The following LSAMP variants were observed in gnomAD, a reference collection of about 807,000 sequenced individuals.
LSAMP encodes the protein limbic system associated membrane protein.
Under a neutral mutation model 38.6 loss-of-function variants are expected in LSAMP, and 7 were observed. That is an observed-to-expected ratio of 0.18 (90% CI 0.10 to 0.34). LSAMP has a LOEUF of 0.34. Among genes scored for constraint, LSAMP ranks in the 10% least tolerant of loss-of-function variants. The pLI, the probability that LSAMP is intolerant of heterozygous loss-of-function variation, is 1.00. For missense variants in LSAMP, 313 were observed against 420.0 expected, an observed-to-expected ratio of 0.75 and a Z score of 2.23; for synonymous variants, 154 against 166.8, an observed-to-expected ratio of 0.92 and a Z score of 0.59.
At chr3:116,003,735 C>T (rs1215443615) in intron 3 of LSAMP, among the ~76,000 whole-genome samples, 1 of 152,054 alleles carries the variant, frequency 6.6e-6, no homozygotes, top group East Asian at 1.9e-4. Flanking sequence ...AAGACAAGGC[C>T]ATGTGAAGAC....
chr3:116,178,328 G>A (rs1271418000), intron 1 of LSAMP, among the ~76,000 whole-genome samples: 1 of 151,952 alleles, frequency 6.6e-6, no homozygotes, highest in Non-Finnish European at 1.5e-5. Context: ...CACCATGCTC[G>A]GCTAATTTTT....
At chr3:115,855,874 C>T (rs949548599) in intron 3 of LSAMP, among the ~76,000 whole-genome samples, 1 of 152,164 alleles carries the variant, frequency 6.6e-6, no homozygotes, top group Non-Finnish European at 1.5e-5. Context: ...TGTTGTCATG[C>T]TTCCTTTCCC....
At chr3:116,125,577 T>A (rs1708990245) in intron 1 of LSAMP, among the ~76,000 whole-genome samples, 1 of 152,146 alleles carries the variant, frequency 6.6e-6, no homozygotes, top group Non-Finnish European at 1.5e-5. Context: ...TTGACTGTCC[T>A]GAACTCAACA....
chr3:116,068,252 C>A lies in LSAMP; in HGVS notation c.388+18072G>T, dbSNP rs1707508445. Among the ~76,000 whole-genome samples the A allele has an allele frequency of 2.0e-5, 3 of 152,176 alleles. No individual in the cohort carries two copies. In the South Asian group the frequency reaches 6.2e-4, roughly 32 times the overall value. ...GGATATTAAAGAACAATCCCATTTCCCCCCTCTATAAACCATTCCATCCAG... is the reference window on the plus strand; with the variant it reads ...GGATATTAAAGAACAATCCCATTTCACCCCTCTATAAACCATTCCATCCAG... On this transcript the variant is annotated intron_variant, in intron 2 of 6. Transcript: ENST00000490035.
intron 1 of LSAMP, among the ~76,000 whole-genome samples, chr3:116,226,792 G>A (rs2046346845): frequency 6.6e-6 from 1 of 152,196 alleles, no homozygotes. Flanking sequence ...ATAACAGGAA[G>A]TCTACCTCTT....
chr3:116,190,195 C>A (rs1031816480), intron 1 of LSAMP, among the ~76,000 whole-genome samples: 2 of 151,890 alleles, frequency 1.3e-5, no homozygotes, highest in African/African-American at 2.4e-5. Flanking sequence ...CACCTCCATT[C>A]CAAATTCCTG....
At chr3:115,908,986 A>G (rs977943992) in intron 3 of LSAMP, among the ~76,000 whole-genome samples, 5 of 152,164 alleles carry the variant, frequency 3.3e-5, no homozygotes, top group Non-Finnish European at 5.9e-5. Context: ...ATGTACTTAA[A>G]TTTAGATAAC....
intron 3 of LSAMP, among the ~76,000 whole-genome samples, chr3:115,986,439 A>T (rs1358385753): frequency 3.3e-5 from 5 of 152,176 alleles, no homozygotes; most frequent in Non-Finnish European, 7.3e-5. Context: ...CAAAAAAATA[A>T]TGAGCCCAGA....
chr3:116,023,174 C>CTA lies in LSAMP; in HGVS notation c.389-3535_389-3534insTA, dbSNP rs1940685841. On this transcript the variant is annotated intron_variant, in intron 2 of 6. Transcript: ENST00000490035. ...TATACATATGTGTGTGTGTCTCTCT[C>CTA]TCTCTATATATATATACACACATAT... 2.1e-5 allele frequency among the ~76,000 whole-genome samples: 3 copies of CTA among 144,546 alleles called. No individual in the cohort carries two copies. The South Asian group carries it at 6.6e-4, about 32-fold the overall frequency. 94.8% of individuals were successfully genotyped at this position (144,546 alleles called of 152,430 possible). A position where few individuals can be genotyped will look rare whatever the true frequency, so the allele number is the denominator to read the frequency against.
intron 1 of LSAMP, among the ~76,000 whole-genome samples, chr3:116,119,183 A>G (rs1001827890): frequency 2.0e-5 from 3 of 152,152 alleles, no homozygotes; most frequent in Non-Finnish European, 4.4e-5. Context: ...AGGGAGCCAG[A>G]AAAAGGACTC....
chr3:116,306,577 G>A (rs537807427), intron 1 of LSAMP, among the ~76,000 whole-genome samples: 1 of 152,000 alleles, frequency 6.6e-6, no homozygotes, highest in Admixed American at 6.6e-5. Context: ...GAAAATGTTA[G>A]TTCTTTAACC....
intron 1 of LSAMP, among the ~76,000 whole-genome samples, chr3:116,312,975 T>C (rs1163647962): frequency 6.6e-6 from 1 of 152,168 alleles, no homozygotes; most frequent in East Asian, 1.9e-4. Context: ...ACCTTATTTT[T>C]CAGTGATGGT....
intron 4 of LSAMP, among the ~76,000 whole-genome samples, 149 bp downstream of exon 4, chr3:115,852,316 AGACCAAGTCCTGCCCTTG>A (rs1214462290): frequency 6.6e-6 from 1 of 152,262 alleles, no homozygotes; most frequent in Admixed American, 6.5e-5. Flanking sequence ...CCAAATTCAA[AGACCAAGTCCTGCCCTTG>A]GATGTGTTCA....
chr3:115,885,777 T>C (rs1000807039), intron 3 of LSAMP, among the ~76,000 whole-genome samples: 4 of 151,868 alleles, frequency 2.6e-5, no homozygotes, highest in Admixed American at 6.6e-5. Flanking sequence ...TCAATACTCA[T>C]GCAGGCTAAT....
chr3:116,144,456 G>A (rs1709445158), intron 1 of LSAMP, among the ~76,000 whole-genome samples: 1 of 151,894 alleles, frequency 6.6e-6, no homozygotes, highest in Non-Finnish European at 1.5e-5. Flanking sequence ...CCAGGAGGAT[G>A]AGGCAGCAGT....
chr3:116,281,223 T>C (rs1232011791), intron 1 of LSAMP, among the ~76,000 whole-genome samples: 1 of 152,144 alleles, frequency 6.6e-6, no homozygotes, highest in East Asian at 1.9e-4. Flanking sequence ...ACATTAAAGA[T>C]GTATGGATGC....
intron 1 of LSAMP, among the ~76,000 whole-genome samples, chr3:116,280,230 C>A (rs1027978188): frequency 6.6e-6 from 1 of 152,100 alleles, no homozygotes; most frequent in African/African-American, 2.4e-5. Flanking sequence ...CATTAGTTCC[C>A]ACCATGATAA....
intron 3 of LSAMP, among the ~76,000 whole-genome samples, chr3:115,941,946 TCAC>T (rs1364573605): frequency 1.6e-4 from 24 of 152,144 alleles, no homozygotes; most frequent in Admixed American, 2.0e-4. Context: ...ATACATAAAA[TCAC>T]CACATTGTAT....
chr3:115,957,464 T>C (rs1938489439), intron 3 of LSAMP, among the ~76,000 whole-genome samples: 1 of 152,158 alleles, frequency 6.6e-6, no homozygotes, highest in Non-Finnish European at 1.5e-5. Flanking sequence ...TTTTAATCTC[T>C]TATTTGAGAA....
Sources: gnomAD v4.1 joint callset for allele counts (sites outside exome capture counted in the v4.1 genomes callset) on GRCh38, gnomAD v4.1.1 for gene constraint, MANE v1.5 for transcripts, NCBI Gene and HGNC (gene_info 2026-07-23, HGNC 2026-07-21) for gene names.